The following NEGR1 variants were observed in gnomAD, a reference collection of about 807,000 sequenced individuals.
The protein encoded by NEGR1 is neuronal growth regulator 1.
Under a neutral mutation model 40.9 loss-of-function variants are expected in NEGR1, and 10 were observed. The observed-to-expected ratio is 0.24, with a 90% CI of 0.15 to 0.42. The LOEUF (loss-of-function observed/expected upper bound fraction) is 0.42. NEGR1 is among the 10% of genes least tolerant of loss of function. NEGR1 has a pLI of 1.00. For synonymous variants in NEGR1, 185 were observed against 166.8 expected (o/e 1.11, Z -0.84); for missense variants, 352 against 438.9 (o/e 0.80, Z 1.77).
At chr1:71,878,795 A>G (rs1660503069) in intron 2 of NEGR1, among the ~76,000 whole-genome samples, 1 of 152,192 alleles carries the variant, frequency 6.6e-6, no homozygotes, top group Non-Finnish European at 1.5e-5. Context: ...CAATAAAAAG[A>G]AACATAGAGC....
chr1:71,962,872 C>T (rs935503412), intron 1 of NEGR1, among the ~76,000 whole-genome samples: 1 of 151,106 alleles, frequency 6.6e-6, no homozygotes, highest in Non-Finnish European at 1.5e-5. Context: ...GAATGGACAT[C>T]GGATTCACCT....
intron 3 of NEGR1, among the ~76,000 whole-genome samples, chr1:71,731,211 T>C (rs1570270170): frequency 6.6e-6 from 1 of 152,198 alleles, no homozygotes; most frequent in African/African-American, 2.4e-5. Flanking sequence ...GTATGTATTC[T>C]AGAGCTTCTC....
intron 1 of NEGR1, among the ~76,000 whole-genome samples, chr1:72,193,708 T>C (rs1479887574): frequency 6.6e-6 from 1 of 151,520 alleles, no homozygotes; most frequent in African/African-American, 2.4e-5. Context: ...ATTTTCTGTA[T>C]ACTTTTATAC....
chr1:72,109,910 C>A (rs948125600), intron 1 of NEGR1, among the ~76,000 whole-genome samples: 3 of 151,622 alleles, frequency 2.0e-5, no homozygotes, highest in African/African-American at 7.3e-5. Context: ...AACCTTCTTA[C>A]TCAGTTTGTT....
intron 3 of NEGR1, among the ~76,000 whole-genome samples, chr1:71,716,294 A>T (rs916523685): frequency 3.9e-5 from 6 of 152,168 alleles, no homozygotes; most frequent in African/African-American, 1.2e-4. Flanking sequence ...TCAAGGTAAG[A>T]TTTTGGCAGG....
chr1:71,928,894 G>A (rs1645827611), intron 2 of NEGR1, among the ~76,000 whole-genome samples: 2 of 151,980 alleles, frequency 1.3e-5, no homozygotes, highest in Non-Finnish European at 2.9e-5. Flanking sequence ...AGTATAATTT[G>A]TCTTCCATTG....
At chr1:71,486,222 T>C (rs1006959324) in intron 6 of NEGR1, among the ~76,000 whole-genome samples, 1 of 151,720 alleles carries the variant, frequency 6.6e-6, no homozygotes, top group Non-Finnish European at 1.5e-5. Flanking sequence ...TCTTTTCACA[T>C]GATTATTTGA....
At chr1:71,466,661 CAG>C (rs1416656193) in intron 6 of NEGR1, among the ~76,000 whole-genome samples, 9 of 152,000 alleles carry the variant, frequency 5.9e-5, no homozygotes, top group Admixed American at 1.3e-4. Context: ...ATGCTGCAAG[CAG>C]AGAGAGTGTG....
At chr1:72,198,867 C>A in intron 1 of NEGR1, among the ~76,000 whole-genome samples, 1 of 151,870 alleles carries the variant, frequency 6.6e-6, no homozygotes. Flanking sequence ...CTTTAATTGA[C>A]AAATATCAAT....
chr1:72,126,054 T>C (rs1299285514), intron 1 of NEGR1, among the ~76,000 whole-genome samples: 1 of 151,038 alleles, frequency 6.6e-6, no homozygotes, highest in Non-Finnish European at 1.5e-5. Context: ...TAGTTTACCA[T>C]GTGACGTGAT....
Position 71,400,401 on chromosome 1 carries a change from A to ATTCCTGT in NEGR1, c.*7044_*7045insACAGGAA, listed in dbSNP as rs1646238937. ...CTTCATTTTTCTTACTGTTTTTGAT[A>ATTCCTGT]TAAAATTCCTGTTATACCATGAATT... On this transcript the variant is annotated 3_prime_UTR_variant, in exon 7 of 7. Coordinates refer to ENST00000357731, the MANE Select transcript of NEGR1 (RefSeq NM_173808.3). 6.6e-6 allele frequency: 1 copy of ATTCCTGT among 152,104 alleles called. No individual in the cohort carries two copies. Among genetic ancestry groups the ATTCCTGT allele is most frequent in the Admixed American group, 6.6e-5 (1 of 15,256 alleles). The allele number at this position is 152,104 out of a possible 1,614,324, so 9.4% of individuals were successfully genotyped here. A position where few individuals can be genotyped will look rare whatever the true frequency, so the allele number is the denominator to read the frequency against.
intron 1 of NEGR1, among the ~76,000 whole-genome samples, chr1:72,031,442 G>A (rs1646857970): frequency 2.0e-5 from 3 of 152,046 alleles, no homozygotes; most frequent in African/African-American, 7.2e-5. Context: ...TGAAAATTAA[G>A]CACATTTCCT....
intron 3 of NEGR1, among the ~76,000 whole-genome samples, chr1:71,754,115 G>A (rs972299386): frequency 2.0e-5 from 3 of 152,112 alleles, no homozygotes; most frequent in African/African-American, 7.2e-5. Context: ...TGCCACTGAG[G>A]AACTTTGTGT....
intron 1 of NEGR1, among the ~76,000 whole-genome samples, chr1:71,974,534 T>G (rs896065717): frequency 6.6e-6 from 1 of 152,116 alleles, no homozygotes; most frequent in Non-Finnish European, 1.5e-5. Context: ...ACGGCACTAG[T>G]TTTGAATACA....
chr1:72,273,574 T>C (rs556873757), intron 1 of NEGR1, among the ~76,000 whole-genome samples: 1 of 151,964 alleles, frequency 6.6e-6, no homozygotes, highest in Non-Finnish European at 1.5e-5. Context: ...ACCCTTGAAA[T>C]CTTAACATAG....
chr1:71,838,987 T>G (rs1254449568), intron 2 of NEGR1, among the ~76,000 whole-genome samples: 1 of 152,086 alleles, frequency 6.6e-6, no homozygotes, highest in Non-Finnish European at 1.5e-5. Flanking sequence ...GGAATGAACT[T>G]GAAGTTCTTA....
At chr1:71,453,778 G>C (rs1646650566) in intron 6 of NEGR1, among the ~76,000 whole-genome samples, 1 of 152,160 alleles carries the variant, frequency 6.6e-6, no homozygotes, top group African/African-American at 2.4e-5. Context: ...CCAGGGAAAT[G>C]AAAAGCTAAT....
intron 1 of NEGR1, among the ~76,000 whole-genome samples, chr1:72,038,981 G>T (rs1259589384): frequency 2.6e-5 from 4 of 151,914 alleles, no homozygotes; most frequent in Non-Finnish European, 5.9e-5. Context: ...ACATGAAAAA[G>T]AAAATTTCGC....
intron 1 of NEGR1, among the ~76,000 whole-genome samples, chr1:72,254,526 C>A (rs1655201287): frequency 6.6e-6 from 1 of 151,808 alleles, no homozygotes; most frequent in South Asian, 2.1e-4. Flanking sequence ...CACGATGAAA[C>A]CCCATCTCTA....
Sources: gnomAD v4.1 joint callset for allele counts (sites outside exome capture counted in the v4.1 genomes callset) on GRCh38, gnomAD v4.1.1 for gene constraint, MANE v1.5 for transcripts, NCBI Gene and HGNC (gene_info 2026-07-23, HGNC 2026-07-21) for gene names.